Variants in HELQ observed in about 807,000 individuals in gnomAD.
HELQ encodes the protein helicase POLQ-like.
Under a neutral mutation model 111.6 loss-of-function variants are expected in HELQ, and 77 were observed. The ratio of observed to expected loss-of-function variants is 0.69; its 90% CI spans 0.57 to 0.83. The LOEUF (loss-of-function observed/expected upper bound fraction) is 0.83. HELQ is among the 40% of genes least tolerant of loss of function. The pLI, the probability that HELQ is intolerant of heterozygous loss-of-function variation, is 0.00. For synonymous variants in HELQ, 438 were observed against 454.7 expected (o/e 0.96, Z 0.47); for missense variants, 1,200 against 1,288.5 (o/e 0.93, Z 1.05).
Position 83,416,809 on chromosome 4 carries a change from A to C in HELQ, c.3120T>G (p.Asn1040Lys), listed in dbSNP as rs772842505. Residue 1040 changes from asparagine (N) to lysine (K), a missense_variant, in exon 17 of 18, where the codon AAT (asparagine) becomes AAG (lysine). Physicochemically the swap from Asn to Lys is moderately conservative, Grantham distance 94. Around this residue, in one of 3 missense-constraint regions of HELQ, gnomAD observed 585 missense variants for 665.3 expected, o/e 0.88. Transcript: ENST00000295488. ...TCCTTACGAGCACTTCAGGATTTGC[A>C]TTAGCTAAGTGCATTAGACTTTTGT... ...AGYKSLMHLA[N>K]ANPEVLVRTI... is the part of the protein sequence containing the mutation. 11 of 1,613,904 alleles carry C rather than the reference A, an allele frequency of 6.8e-6. No individual in the cohort carries two copies. In the South Asian group the frequency reaches 1.2e-4, roughly 18 times the overall value.
At chr4:83,435,686 G>A (rs574477411) in intron 9 of HELQ, among the ~76,000 whole-genome samples, 1 of 152,162 alleles carries the variant, frequency 6.6e-6, no homozygotes, top group East Asian at 1.9e-4. Flanking sequence ...GAAAGAAAAT[G>A]TTTAAATCTG....
At chr4:83,452,666 CAG>C (rs1721456074) in intron 2 of HELQ, among the ~76,000 whole-genome samples, 2 of 152,114 alleles carry the variant, frequency 1.3e-5, no homozygotes, top group Non-Finnish European at 2.9e-5. Context: ...GGTCAAAAAA[CAG>C]GAGTGGTTGT....
chr4:83,411,701 G>A lies in HELQ; in HGVS notation c.3199-4141C>T, dbSNP rs564845041. The stretch of plus-strand genomic sequence containing the variant: ...TTTGTTGCCCAGGTTGGAGTGCAGT[G>A]GCATGATCATAGCTGATTGCAGCCT... On this transcript the variant is annotated intron_variant, in intron 17 of 17. Transcript: ENST00000295488. 2.6e-5 allele frequency among the ~76,000 whole-genome samples: 4 copies of A among 151,906 alleles called. No homozygotes were observed. The South Asian group carries it at 8.3e-4, about 32-fold the overall frequency.
chr4:83,455,669 G>T lies in HELQ; in HGVS notation c.25C>A (p.Arg9Ser). MDECGSRIRRRVSLPKRNR... is the reference protein window; with the variant it reads MDECGSRISRRVSLPKRNR... ...CTTTTGGGGAGAGACACCCGCCGGC[G>T]GATGCGGGAACCACATTCATCCATG... is the stretch of plus-strand genomic sequence containing the variant. Residue 9 changes from arginine (R) to serine (S), a missense_variant, in exon 1 of 18, where the codon CGC becomes AGC. Arg to Ser is a moderately radical substitution (Grantham distance 110). Transcript: ENST00000295488. The T allele has an allele frequency of 6.2e-7, 1 of 1,610,238 alleles. No individual in the cohort carries two copies. Among genetic ancestry groups the T allele is most frequent in the Non-Finnish European group, 8.5e-7 (1 of 1,179,924 alleles).
intron 1 of HELQ, among the ~76,000 whole-genome samples, chr4:83,454,527 A>C (rs1172316239): frequency 2.6e-5 from 4 of 151,918 alleles, no homozygotes; most frequent in South Asian, 4.1e-4. Context: ...CTCCTGCCTC[A>C]GCCTCCCAAG....
intron 15 of HELQ, among the ~76,000 whole-genome samples, chr4:83,421,126 T>A (rs1411208093): frequency 6.6e-6 from 1 of 152,122 alleles, no homozygotes; most frequent in Non-Finnish European, 1.5e-5. Context: ...TAAATTTTTT[T>A]AAAAAGAGAA....
Position 83,421,729 on chromosome 4 carries a change from T to C in HELQ, c.2783A>G (p.Asp928Gly). The change falls in exon 15 of 18, where the codon GAC becomes GGC. Residue 928 changes from aspartate (D) to glycine (G), a missense_variant. Transcript: ENST00000295488. ...ATATAGCCTGTTGACAACGTTCTTG[T>C]CCACCTTCTAGAAAGACACAATCAA... The part of the protein sequence containing the change: ...ASGQAIGKKV[D>G]KNVVNRLYLS... The C allele has an allele frequency of 6.2e-7, 1 of 1,612,518 alleles. No individual in the cohort carries two copies. The highest frequency in any genetic ancestry group is 8.5e-7 in the Non-Finnish European group (1 of 1,179,352).
chr4:83,451,945 A>T (rs1348912340), intron 2 of HELQ, among the ~76,000 whole-genome samples: 1 of 152,212 alleles, frequency 6.6e-6, no homozygotes, highest in Non-Finnish European at 1.5e-5. Flanking sequence ...CAAGAACCCA[A>T]GTTTTCATAT....
Position 83,427,666 on chromosome 4 carries a change from A to G in HELQ, c.2573T>C (p.Leu858Pro). 1 of 1,605,478 alleles carries G rather than the reference A, an allele frequency of 6.2e-7. No individual in the cohort carries two copies. Among genetic ancestry groups the G allele is most frequent in the Non-Finnish European group, 8.5e-7 (1 of 1,176,374 alleles). Residue 858 changes from leucine to proline, a missense_variant, in exon 13 of 18, where the codon CTT (leucine) becomes CCT (proline). By Grantham distance (98) the Leu-to-Pro change is moderately conservative (BLOSUM62 -3). Coordinates refer to ENST00000295488, the MANE Select transcript of HELQ (RefSeq NM_133636.5). ...DILYRDLKKG[L>P]EGLVLESLLH... ...AAGGCTTTCAAGCACAAGTCCTTCA[A>G]GACCTTTCTTCAAGTCTCTGTACAG...
Position 83,448,971 on chromosome 4 carries a change from T to TAA in HELQ, c.1013-12_1013-11dup. ...CAAGTATGTTGCCATTCTGTGGAAT[T>TAA]AAAAAAAAAAAGGCATTATTTTCCC... On this transcript the variant is annotated splice_polypyrimidine_tract_variant and intron_variant, in intron 2 of 17. Coordinates refer to ENST00000295488, the MANE Select transcript of HELQ (RefSeq NM_133636.5). 7 of 1,353,658 alleles carry TAA rather than the reference T, an allele frequency of 5.2e-6. No individual in the cohort carries two copies. Among genetic ancestry groups the TAA allele is most frequent in the African/African-American group, 1.5e-5 (1 of 66,338 alleles). The allele number at this position is 1,353,658 out of a possible 1,614,324, so 83.9% of individuals were successfully genotyped here. A position where few individuals can be genotyped will look rare whatever the true frequency, so the allele number is the denominator to read the frequency against.
At chr4:83,454,820 C>G (rs1417228698) in intron 1 of HELQ, among the ~76,000 whole-genome samples, 5 of 152,076 alleles carry the variant, frequency 3.3e-5, no homozygotes, top group Non-Finnish European at 7.4e-5. Flanking sequence ...ATAACTGCAG[C>G]GCTTCCCTCC....
chr4:83,439,826 A>G, intron 8 of HELQ, 37 bp downstream of exon 8: 1 of 1,321,198 alleles, frequency 7.6e-7, no homozygotes, highest in Non-Finnish European at 1.1e-6. Context: ...AATTCCTAAT[A>G]AAAATAAAAC....
chr4:83,409,705 A>G (rs1330664140), intron 17 of HELQ, among the ~76,000 whole-genome samples: 1 of 152,170 alleles, frequency 6.6e-6, no homozygotes, highest in African/African-American at 2.4e-5. Context: ...TGGAGATATG[A>G]GGAGGAGTAG....
intron 14 of HELQ, among the ~76,000 whole-genome samples, chr4:83,421,958 T>G (rs1290668395): frequency 1.3e-5 from 2 of 152,162 alleles, no homozygotes; most frequent in African/African-American, 4.8e-5. Context: ...GAGTGGCTCA[T>G]GCCTGTAATC....
chr4:83,434,651 A>G (rs2109992016), intron 9 of HELQ, among the ~76,000 whole-genome samples: 1 of 152,026 alleles, frequency 6.6e-6, no homozygotes, highest in East Asian at 1.9e-4. Context: ...TTTAGTAGAG[A>G]TGAGGTCTTG....
chr4:83,421,860 A>G, intron 14 of HELQ, 124 bp from the exon 15 acceptor site: 1 of 686,672 alleles, frequency 1.5e-6, no homozygotes, highest in Non-Finnish European at 2.5e-6. Context: ...ATTCCATAGA[A>G]ACAAAACTAA....
chr4:83,408,255 G>A (rs1016410827), intron 17 of HELQ, among the ~76,000 whole-genome samples: 1 of 151,716 alleles, frequency 6.6e-6, no homozygotes, highest in Non-Finnish European at 1.5e-5. Context: ...CCCCCCACCC[G>A]CCTTTTTTTC....
At chr4:83,454,826 C>T (rs1036812234) in intron 1 of HELQ, among the ~76,000 whole-genome samples, 2 of 152,080 alleles carry the variant, frequency 1.3e-5, no homozygotes, top group African/African-American at 4.8e-5. Flanking sequence ...GCAGCGCTTC[C>T]CTCCCAGACT....
intron 14 of HELQ, 22 bp from the exon 15 acceptor site, chr4:83,421,758 A>G: frequency 6.2e-7 from 1 of 1,601,612 alleles, no homozygotes; most frequent in Non-Finnish European, 8.5e-7. Flanking sequence ...CAATCAAATA[A>G]ATTCGTTTAC....
Sources: allele counts gnomAD v4.1 joint callset (sites outside exome capture counted in the v4.1 genomes callset), GRCh38; gene constraint gnomAD v4.1.1; regional missense constraint gnomAD v4.1.1; transcripts MANE v1.5; gene names NCBI Gene and HGNC (gene_info 2026-07-23, HGNC 2026-07-21).